Variants in COL4A1 observed in about 807,000 individuals in gnomAD.
The protein encoded by COL4A1 is collagen type IV alpha 1 chain, also known as collagen alpha-1(IV) chain.
In COL4A1, 40 loss-of-function variants were observed where a neutral mutation model predicts 216.6. The ratio of observed to expected loss-of-function variants is 0.18; its 90% CI spans 0.14 to 0.24. COL4A1 has a LOEUF of 0.24. COL4A1 is among the 10% of genes least tolerant of loss of function. The probability of loss-of-function intolerance (pLI) is 1.00; values close to 1 mark genes in which losing one functional copy is unlikely to be tolerated. For missense variants in COL4A1, 1,628 were observed against 2,196.8 expected (o/e 0.74, Z 5.18); for synonymous variants, 839 against 810.7 (o/e 1.03, Z -0.59).
At chr13:110,292,582 A>G (rs748611463) in intron 1 of COL4A1, among the ~76,000 whole-genome samples, 1 of 152,228 alleles carries the variant, frequency 6.6e-6, no homozygotes, top group Non-Finnish European at 1.5e-5. Flanking sequence ...GAAACTTACA[A>G]TCATGGTGGA....
At chr13:110,188,099 T>G (rs1878480264) in intron 24 of COL4A1, among the ~76,000 whole-genome samples, 1 of 152,206 alleles carries the variant, frequency 6.6e-6, no homozygotes, top group Admixed American at 6.5e-5. Flanking sequence ...CAATGGCTTC[T>G]CCTCCAGCAT....
chr13:110,252,459 TAC>T lies in COL4A1; in HGVS notation c.85-9727_85-9726del, dbSNP rs1300431829. 9.1e-4 allele frequency among the ~76,000 whole-genome samples: 46 copies of T among 50,388 alleles called. 5 individuals carry two copies. Among genetic ancestry groups the T allele is most frequent in the Admixed American group, 4.4e-3 (17 of 3,898 alleles). The allele number at this position is 50,388 out of a possible 152,430, so 33.1% of individuals were successfully genotyped here. On this transcript the variant is annotated intron_variant, in intron 1 of 51. Transcript: ENST00000375820. ...TATAATTATACGTATATGTATTATA[TAC>T]ATATAATTATATGTATTATATATAC...
intron 2 of COL4A1, among the ~76,000 whole-genome samples, chr13:110,219,732 A>G (rs1222161218): frequency 6.8e-6 from 1 of 146,490 alleles, no homozygotes; most frequent in Non-Finnish European, 1.5e-5. Context: ...ATGTGTGTAT[A>G]TATATGTATA....
Position 110,211,977 on chromosome 13 carries a change from C to T in COL4A1, c.388-55G>A. On this transcript the variant is annotated intron_variant, in intron 6 of 51. Coordinates refer to ENST00000375820, the MANE Select transcript of COL4A1 (RefSeq NM_001845.6). This position sits in a 1 kb window ranked among gnomAD's most constrained non-coding sequence, Gnocchi z 4.3. ...GCACTGTGTGTGGCAGACACATCAG[C>T]CCTGACATCGCATGCATCACTCTGC... The T allele has an allele frequency of 6.6e-7, 1 of 1,520,764 alleles. No homozygotes were observed. Among genetic ancestry groups the T allele is most frequent in the Non-Finnish European group, 9.1e-7 (1 of 1,094,932 alleles). 94.2% of individuals were successfully genotyped at this position (1,520,764 alleles called of 1,614,324 possible).
intron 1 of COL4A1, among the ~76,000 whole-genome samples, chr13:110,299,568 T>G (rs533797330): frequency 1.5e-4 from 23 of 152,268 alleles, no homozygotes; most frequent in African/African-American, 5.5e-4. Context: ...ACTGCCCTCA[T>G]CCCCATCATA....
chr13:110,176,244 A>G (rs559314248), intron 36 of COL4A1, among the ~76,000 whole-genome samples, 180 bp downstream of exon 36: 37 of 152,356 alleles, frequency 2.4e-4, no homozygotes, highest in Admixed American at 2.4e-3. Flanking sequence ...CCATTCTGTC[A>G]GCCAAATGTC....
intron 18 of COL4A1, among the ~76,000 whole-genome samples, chr13:110,202,015 C>T (rs1403470021): frequency 6.6e-6 from 1 of 152,120 alleles, no homozygotes; most frequent in Non-Finnish European, 1.5e-5. Flanking sequence ...ACAACGAAAG[C>T]ATATGGAATA....
In COL4A1 at chr13:110,306,848, G is replaced by A. The variant is rs375555899; in HGVS notation, c.84+96C>T. On this transcript the variant is annotated intron_variant, in intron 1 of 51. Transcript: ENST00000375820. ...TGGCCGTGCCACGCGCGACCCCCGAGGGGCAGGCGGACGGGTCCAGGCGCG... is the reference window on the plus strand; with the variant it reads ...TGGCCGTGCCACGCGCGACCCCCGAAGGGCAGGCGGACGGGTCCAGGCGCG... The A allele has an allele frequency of 1.9e-4, 224 of 1,185,320 alleles. 1 individual carries two copies. In the East Asian group the frequency reaches 6.1e-3, roughly 32 times the overall value. 73.4% of individuals were successfully genotyped at this position (1,185,320 alleles called of 1,614,324 possible).
At chr13:110,289,152 AT>A (rs1231069617) in intron 1 of COL4A1, among the ~76,000 whole-genome samples, 1 of 152,132 alleles carries the variant, frequency 6.6e-6, no homozygotes, top group Admixed American at 6.5e-5. Flanking sequence ...AGATCTCCTC[AT>A]TTTGGCGAGT....
Position 110,178,236 on chromosome 13 carries a change from AG to A in COL4A1, c.2459-6del. ...CTCCTTTTATTCCAGGAGGGCCTGC[AG>A]TTGGGTGAAACACAAATAACTTTTA... On this transcript the variant is annotated splice_polypyrimidine_tract_variant and splice_region_variant and intron_variant, in intron 31 of 51. Coordinates refer to ENST00000375820, the MANE Select transcript of COL4A1 (RefSeq NM_001845.6). The A allele has an allele frequency of 6.2e-7, 1 of 1,613,744 alleles. No homozygotes were observed. The highest frequency in any genetic ancestry group is 1.1e-5 in the South Asian group (1 of 91,068).
At chr13:110,260,176 A>C (rs953784427) in intron 1 of COL4A1, among the ~76,000 whole-genome samples, 1 of 152,128 alleles carries the variant, frequency 6.6e-6, no homozygotes, top group African/African-American at 2.4e-5. Flanking sequence ...ACAGTTCCAC[A>C]TGGCTGGGGA....
rs57747640 is a variant in COL4A1, at chr13:110,271,228, G to A, written c.85-28494C>T. ...GAGACAGCGGCGCCAACCACTGAAC[G>A]TTGCAGCAAGAGCTGTTTCAGGCAA... On this transcript the variant is annotated intron_variant, in intron 1 of 51. Transcript: ENST00000375820. Among the ~76,000 whole-genome samples the A allele has an allele frequency of 1.2e-3, 182 of 152,326 alleles. 1 individual carries two copies. Among genetic ancestry groups the A allele is most frequent in the African/African-American group, 4.0e-3 (168 of 41,574 alleles).
At chr13:110,199,910 G>A (rs1879097149) in intron 20 of COL4A1, among the ~76,000 whole-genome samples, 1 of 152,192 alleles carries the variant, frequency 6.6e-6, no homozygotes, top group African/African-American at 2.4e-5. Context: ...GGTAGAGTCA[G>A]AGTTTTTACA....
chr13:110,199,313 G>C (rs1460099068), intron 20 of COL4A1, among the ~76,000 whole-genome samples: 1 of 152,210 alleles, frequency 6.6e-6, no homozygotes, highest in Non-Finnish European at 1.5e-5. Flanking sequence ...GTGAGAAAAA[G>C]GACAGTCGAG....
chr13:110,301,489 G>A (rs1055922736), intron 1 of COL4A1, among the ~76,000 whole-genome samples: 5 of 152,148 alleles, frequency 3.3e-5, no homozygotes, highest in East Asian at 1.9e-4. Context: ...TAGACATGGC[G>A]ACTACCCTCA....
At chr13:110,235,659 A>AAG (rs1881286303) in intron 2 of COL4A1, among the ~76,000 whole-genome samples, 1 of 8,760 alleles carries the variant, frequency 1.1e-4, no homozygotes, top group South Asian at 4.2e-3. Context: ...ACTCTGTCTC[A>AAG]AAAAAAAAAA....
In COL4A1 at chr13:110,211,583, T is replaced by C. The variant is rs1594585551; in HGVS notation, c.468+64A>G. 1 of 1,501,658 alleles carries C rather than the reference T, an allele frequency of 6.7e-7. No homozygotes were observed. The highest frequency in any genetic ancestry group is 1.2e-5 in the South Asian group (1 of 83,754). 93.0% of individuals were successfully genotyped at this position (1,501,658 alleles called of 1,614,324 possible). On this transcript the variant is annotated intron_variant, in intron 8 of 51. Transcript: ENST00000375820. This position sits in a 1 kb window ranked among gnomAD's most constrained non-coding sequence, Gnocchi z 4.3. ...GTGGTTTAAAGAGAATGTGCTTCTATGGCACTTGTTGTAAACAGATTCCCT... is the reference window on the plus strand; with the variant it reads ...GTGGTTTAAAGAGAATGTGCTTCTACGGCACTTGTTGTAAACAGATTCCCT...
chr13:110,287,640 C>T (rs756487326), intron 1 of COL4A1, among the ~76,000 whole-genome samples: 15 of 152,238 alleles, frequency 9.9e-5, no homozygotes, highest in Non-Finnish European at 1.8e-4. Flanking sequence ...GAAGCCGGCA[C>T]GTCCTTGAGC....
intron 20 of COL4A1, among the ~76,000 whole-genome samples, chr13:110,199,819 C>T (rs187342541): frequency 2.1e-3 from 319 of 152,280 alleles, no homozygotes; most frequent in Non-Finnish European, 3.2e-3. Context: ...AGACAGTAAA[C>T]AAGGCTTCTG....
Sources: allele counts gnomAD v4.1 joint callset (sites outside exome capture counted in the v4.1 genomes callset), GRCh38; gene constraint gnomAD v4.1.1; non-coding constraint Gnocchi (gnomAD v3.1); transcripts MANE v1.5; gene names NCBI Gene and HGNC (gene_info 2026-07-23, HGNC 2026-07-21).